The following HLCS variants were observed in gnomAD, a reference collection of about 807,000 sequenced individuals.
The protein encoded by HLCS is biotin--protein ligase.
In HLCS, 53 loss-of-function variants were observed where a neutral mutation model predicts 75.0. The ratio of observed to expected loss-of-function variants is 0.71; its 90% CI spans 0.57 to 0.89. The LOEUF (loss-of-function observed/expected upper bound fraction) is 0.89, where lower values mean the gene tolerates loss of function less well. Ranked by LOEUF, HLCS falls within the 40% of genes least tolerant of loss-of-function variation. The pLI is 0.00. For synonymous variants in HLCS, 431 were observed against 428.6 expected (o/e 1.01, Z -0.07); for missense variants, 966 against 1,074.0 (o/e 0.90, Z 1.41).
At chr21:36,758,590 C>T (rs898719349) in intron 9 of HLCS, among the ~76,000 whole-genome samples, 3 of 152,254 alleles carry the variant, frequency 2.0e-5, no homozygotes, top group South Asian at 2.1e-4. Context: ...GCTTACCCCA[C>T]GCTGATAACA....
At chr21:36,941,687 T>C (rs1042499111) in intron 2 of HLCS, among the ~76,000 whole-genome samples, 2 of 152,020 alleles carry the variant, frequency 1.3e-5, no homozygotes, top group African/African-American at 4.8e-5. Context: ...CTGACCAACA[T>C]GGTGAAACCC....
intron 2 of HLCS, among the ~76,000 whole-genome samples, chr21:36,952,806 AAAAAAAG>A (rs1430581340): frequency 6.6e-6 from 1 of 151,720 alleles, no homozygotes; most frequent in Non-Finnish European, 1.5e-5. Flanking sequence ...AAAAAAAAAA[AAAAAAAG>A]AATTAAGTAA....
chr21:36,831,021 T>C (rs928327774), intron 6 of HLCS, among the ~76,000 whole-genome samples: 2 of 152,170 alleles, frequency 1.3e-5, no homozygotes, highest in African/African-American at 4.8e-5. Flanking sequence ...GTTTAAATCT[T>C]ATCTGCTGAT....
chr21:36,947,966 G>C, intron 2 of HLCS: 11 of 985,372 alleles, frequency 1.1e-5, no homozygotes, highest in Non-Finnish European at 1.3e-5. Context: ...CAAATTGGAT[G>C]GAGCAAGGCT....
chr21:36,788,082 C>T (rs2060745961), intron 6 of HLCS, among the ~76,000 whole-genome samples: 1 of 152,222 alleles, frequency 6.6e-6, no homozygotes, highest in Non-Finnish European at 1.5e-5. Flanking sequence ...TGTGGGGCCA[C>T]CACTCCCCAC....
At chr21:36,770,792 C>G (rs1032793307) in intron 6 of HLCS, among the ~76,000 whole-genome samples, 3 of 151,812 alleles carry the variant, frequency 2.0e-5, no homozygotes, top group African/African-American at 7.3e-5. Flanking sequence ...GGCTGGGTAA[C>G]CTTTTGATTT....
chr21:36,945,654 G>A (rs2067355375), intron 2 of HLCS, among the ~76,000 whole-genome samples: 6 of 152,176 alleles, frequency 3.9e-5, no homozygotes, highest in Admixed American at 3.9e-4. Context: ...CAGGAGCTGA[G>A]GTGTCAGGGA....
At chr21:36,775,507 C>T (rs1236820204) in intron 6 of HLCS, among the ~76,000 whole-genome samples, 1 of 152,360 alleles carries the variant, frequency 6.6e-6, no homozygotes, top group East Asian at 1.9e-4. Flanking sequence ...ATGGTGCCCA[C>T]AGCCACCTCT....
At chr21:36,956,238 G>C (rs1449027087) in intron 2 of HLCS, among the ~76,000 whole-genome samples, 1 of 152,160 alleles carries the variant, frequency 6.6e-6, no homozygotes, top group South Asian at 2.1e-4. Context: ...GCAGGAGCAA[G>C]TAGATGGACT....
upstream of HLCS, among the ~76,000 whole-genome samples, chr21:36,967,241 C>T (rs1346506075): frequency 6.6e-6 from 1 of 152,088 alleles, no homozygotes; most frequent in African/African-American, 2.4e-5. Flanking sequence ...AAGATAAGGC[C>T]GTTTTTATTA....
At chr21:36,859,475 C>T (rs1468658794) in intron 6 of HLCS, among the ~76,000 whole-genome samples, 1 of 152,238 alleles carries the variant, frequency 6.6e-6, no homozygotes, top group African/African-American at 2.4e-5. Flanking sequence ...TCTGCAAACT[C>T]CACTGGGACC....
At chr21:36,954,829 G>A (rs551503223) in intron 2 of HLCS, among the ~76,000 whole-genome samples, 2 of 152,178 alleles carry the variant, frequency 1.3e-5, no homozygotes, top group African/African-American at 2.4e-5. Context: ...TTGGGAGGCC[G>A]AGGCGGGGGG....
At chr21:36,783,959 T>G (rs941624840) in intron 6 of HLCS, among the ~76,000 whole-genome samples, 3 of 152,168 alleles carry the variant, frequency 2.0e-5, no homozygotes, top group African/African-American at 7.2e-5. Context: ...CTCCAAGGTC[T>G]TATAAATGAA....
intron 6 of HLCS, among the ~76,000 whole-genome samples, chr21:36,868,711 G>A (rs2063660819): frequency 2.0e-5 from 3 of 152,122 alleles, no homozygotes; most frequent in African/African-American, 7.2e-5. Context: ...TCTGGAAAGG[G>A]GAAAAAACAA....
chr21:36,806,783 C>T (rs1323044150), intron 6 of HLCS, among the ~76,000 whole-genome samples: 7 of 152,186 alleles, frequency 4.6e-5, no homozygotes, highest in Non-Finnish European at 1.0e-4. Flanking sequence ...CAGCCCGAGA[C>T]AACTTAAGAA....
chr21:36,841,197 G>T (rs1053396272), intron 6 of HLCS, among the ~76,000 whole-genome samples: 3 of 152,092 alleles, frequency 2.0e-5, no homozygotes, highest in East Asian at 3.9e-4. Flanking sequence ...TATTTCAACC[G>T]AATTGGCTTA....
Position 36,896,927 on chromosome 21 carries a change from T to A in HLCS, c.1825A>T (p.Thr609Ser). ...NLEIYRQNLQ[T>S]KQLGKVILFA... The stretch of plus-strand genomic sequence containing the variant: ...AAAATTACTTTCCCCAACTGCTTGG[T>A]CTGCAGATTTTGGCGATAGATCTCT... The change falls in exon 6 of 11, where the codon ACC becomes TCC. Residue 609 changes from threonine to serine, a missense_variant. By Grantham distance (58) the Thr-to-Ser change is moderately conservative. Coordinates refer to ENST00000674895, the MANE Select transcript of HLCS (RefSeq NM_001352514.2). 1 of 1,614,160 alleles carries A rather than the reference T, an allele frequency of 6.2e-7. No homozygotes were observed. The highest frequency in any genetic ancestry group is 8.5e-7 in the Non-Finnish European group (1 of 1,180,026).
intron 6 of HLCS, among the ~76,000 whole-genome samples, chr21:36,821,631 T>A (rs2061843768): frequency 6.6e-6 from 1 of 152,238 alleles, no homozygotes; most frequent in Non-Finnish European, 1.5e-5. Context: ...GCAACCCAAA[T>A]GTTCACATCG....
At chr21:36,982,160 A>G (rs906609493) in intron 1 of HLCS, among the ~76,000 whole-genome samples, 1 of 152,194 alleles carries the variant, frequency 6.6e-6, no homozygotes, top group Non-Finnish European at 1.5e-5. Flanking sequence ...AGATTCACAC[A>G]TACAATTTCG....
Sources: allele counts gnomAD v4.1 joint callset (sites outside exome capture counted in the v4.1 genomes callset), GRCh38; gene constraint gnomAD v4.1.1; transcripts MANE v1.5; gene names NCBI Gene and HGNC (gene_info 2026-07-23, HGNC 2026-07-21).